DOCK2: variants seen among roughly 807,000 people sequenced by gnomAD.
DOCK2 encodes the protein dedicator of cytokinesis 2, also known as dedicator of cytokinesis protein 2.
Under a neutral mutation model 248.9 loss-of-function variants are expected in DOCK2, and 87 were observed. The ratio of observed to expected loss-of-function variants is 0.35; its 90% CI spans 0.29 to 0.42. The LOEUF (loss-of-function observed/expected upper bound fraction) is 0.42, where lower values mean the gene tolerates loss of function less well. Ranked by LOEUF, DOCK2 falls within the 10% of genes least tolerant of loss-of-function variation. The pLI is 1.00. For missense variants in DOCK2, 1,747 were observed against 2,300.2 expected (o/e 0.76, Z 4.92); for synonymous variants, 805 against 821.6 (o/e 0.98, Z 0.35).
intron 23 of DOCK2, among the ~76,000 whole-genome samples, chr5:169,758,595 C>A (rs1265837548): frequency 6.6e-6 from 1 of 152,180 alleles, no homozygotes; most frequent in Non-Finnish European, 1.5e-5. Flanking sequence ...CTAAGTGCAG[C>A]CTGCCTGAAT....
intron 27 of DOCK2, among the ~76,000 whole-genome samples, chr5:169,982,578 T>C (rs2113784969): frequency 6.6e-6 from 1 of 152,326 alleles, no homozygotes; most frequent in East Asian, 1.9e-4. Context: ...CTTTCATCCC[T>C]CTCAGCTCTT....
chr5:169,889,953 G>A (rs1223725368), intron 27 of DOCK2, among the ~76,000 whole-genome samples: 2 of 152,200 alleles, frequency 1.3e-5, no homozygotes, highest in Non-Finnish European at 2.9e-5. Context: ...TCTGAACTTA[G>A]TAATAATAAC....
intron 27 of DOCK2, among the ~76,000 whole-genome samples, chr5:169,979,243 G>T (rs987661657): frequency 6.6e-6 from 1 of 152,170 alleles, no homozygotes; most frequent in Admixed American, 6.5e-5. Context: ...TTTGAACAAC[G>T]TCAGTGTTAG....
At chr5:169,667,154 T>G (rs1758782135) in intron 2 of DOCK2, among the ~76,000 whole-genome samples, 2 of 152,114 alleles carry the variant, frequency 1.3e-5, no homozygotes, top group African/African-American at 4.8e-5. Flanking sequence ...CATCTATTGG[T>G]CCCTCGATTG....
chr5:169,845,470 G>A (rs1419656061), intron 27 of DOCK2, among the ~76,000 whole-genome samples: 6 of 152,128 alleles, frequency 3.9e-5, no homozygotes, highest in African/African-American at 9.7e-5. Context: ...GGTGCCTGGC[G>A]TGCAGTGGGT....
chr5:170,060,393 A>G (rs539886155), intron 44 of DOCK2, among the ~76,000 whole-genome samples: 120 of 152,356 alleles, frequency 7.9e-4, no homozygotes, highest in Middle Eastern at 3.4e-3. Context: ...GAATACCTTC[A>G]TAGCCTAGTA....
At chr5:169,732,707 C>A (rs577090291) in intron 22 of DOCK2, among the ~76,000 whole-genome samples, 1 of 152,310 alleles carries the variant, frequency 6.6e-6, no homozygotes, top group East Asian at 1.9e-4. Flanking sequence ...ATCTTTCCAT[C>A]TTTACTGCTA....
At chr5:169,757,907 G>T (rs1764276584) in intron 23 of DOCK2, among the ~76,000 whole-genome samples, 1 of 152,146 alleles carries the variant, frequency 6.6e-6, no homozygotes, top group Non-Finnish European at 1.5e-5. Context: ...ATGGTAGCAA[G>T]GTTATGGGGA....
intron 26 of DOCK2, among the ~76,000 whole-genome samples, chr5:169,812,101 T>A (rs1767793079): frequency 6.6e-6 from 1 of 152,234 alleles, no homozygotes. Context: ...GTCCATGGCC[T>A]GTTAGGAACC....
intron 6 of DOCK2, among the ~76,000 whole-genome samples, chr5:169,676,185 C>T (rs371062188): frequency 6.6e-6 from 1 of 152,130 alleles, no homozygotes; most frequent in East Asian, 1.9e-4. Flanking sequence ...CGCCTTGGCC[C>T]GGGGTAGGTG....
chr5:169,840,625 G>GAT, intron 26 of DOCK2, 132 bp from the exon 27 acceptor site: 2 of 694,788 alleles, frequency 2.9e-6, no homozygotes, highest in South Asian at 3.3e-5. Flanking sequence ...TGATGATGAT[G>GAT]GCAGTAGTGG....
chr5:169,882,343 C>T (rs1045627891), intron 27 of DOCK2, among the ~76,000 whole-genome samples: 1 of 152,130 alleles, frequency 6.6e-6, no homozygotes, highest in Non-Finnish European at 1.5e-5. Context: ...AAACAAACAG[C>T]AGTAGAAATC....
rs572639426 is a variant in DOCK2, at chr5:169,852,164, A to G, written c.2799+11312A>G. Among the ~76,000 whole-genome samples the G allele has an allele frequency of 3.9e-5, 6 of 152,300 alleles. No homozygotes were observed. In the South Asian group the frequency reaches 1.2e-3, roughly 32 times the overall value. On this transcript the variant is annotated intron_variant, in intron 27 of 51. Coordinates refer to ENST00000520908, the MANE Select transcript of DOCK2 (RefSeq NM_004946.3). ...AGTCACACAGAAGAATGACTGGTCC[A>G]TCATCAAATCCTAATGAAATTACCT...
chr5:169,909,556 A>T (rs1774476750), intron 27 of DOCK2, among the ~76,000 whole-genome samples: 1 of 152,226 alleles, frequency 6.6e-6, no homozygotes, highest in African/African-American at 2.4e-5. Flanking sequence ...CAAGGTGAGT[A>T]TTATTATCTG....
At position 169,671,183 on chromosome 5, in the gene DOCK2, CAG is replaced by C; in HGVS notation, c.321+11_321+12del. The C allele has an allele frequency of 6.2e-7, 1 of 1,610,782 alleles. No individual in the cohort carries two copies. Reference sequence around the variant, plus strand: ...GGAAACAACTCTATGTGGTGAGACTCAGAACTCTGCTCCCTGAGTTGGAAGCT... The same window carrying C: ...GGAAACAACTCTATGTGGTGAGACTCAACTCTGCTCCCTGAGTTGGAAGCT... On this transcript the variant is annotated intron_variant, in intron 5 of 51. Coordinates refer to ENST00000520908, the MANE Select transcript of DOCK2 (RefSeq NM_004946.3).
At position 169,699,872 on chromosome 5, in the gene DOCK2, T is replaced by C. The variant is rs1760864512; in HGVS notation, c.1133-142T>C. 14 of 1,227,620 alleles carry C rather than the reference T, an allele frequency of 1.1e-5. No homozygotes were observed. The East Asian group carries it at 2.2e-4, about 19-fold the overall frequency. 76.0% of individuals were successfully genotyped at this position (1,227,620 alleles called of 1,614,324 possible). On this transcript the variant is annotated intron_variant, in intron 12 of 51. Coordinates refer to ENST00000520908, the MANE Select transcript of DOCK2 (RefSeq NM_004946.3). ...CAGAGATCGCCTGTTCCAGAGGCCC[T>C]GTGGGCTGGGTGGCTGCATCTGTGG...
chr5:169,881,219 C>T (rs1315699997), intron 27 of DOCK2: 1 of 658,464 alleles, frequency 1.5e-6, no homozygotes, highest in East Asian at 2.8e-5. Context: ...ACAAAGCAAT[C>T]CCTGCCTTGG....
rs774899553 is a variant in DOCK2, at chr5:170,056,666, C to A, written c.4296-18C>A. On this transcript the variant is annotated intron_variant, in intron 42 of 51. Transcript: ENST00000520908. ...CGGGGATGGCTACCAGGAGCCTCAG[C>A]CTCTTCCTGTCTTTCAGCTTCTACA... 2 of 1,612,560 alleles carry A rather than the reference C, an allele frequency of 1.2e-6. No individual in the cohort carries two copies. Among genetic ancestry groups the A allele is most frequent in the Non-Finnish European group, 1.7e-6 (2 of 1,178,692 alleles).
chr5:169,801,146 G>GGTTTTT lies in DOCK2; in HGVS notation c.2555-1912_2555-1911insGTTTTT, dbSNP rs1561709040. Among the ~76,000 whole-genome samples the GGTTTTT allele has an allele frequency of 3.9e-5, 3 of 76,052 alleles. 1 individual carries two copies. Among genetic ancestry groups the GGTTTTT allele is most frequent in the Non-Finnish European group, 8.4e-5 (3 of 35,922 alleles). The allele number at this position is 76,052 out of a possible 152,430, so 49.9% of individuals were successfully genotyped here. On this transcript the variant is annotated intron_variant, in intron 25 of 51. Transcript: ENST00000520908. The stretch of plus-strand genomic sequence containing the variant: ...TGCCACCATGCCCAGATAGTTTTGG[G>GGTTTTT]TTTTTTTTTTTTTTTTTTTTTTTTT...
Sources: gnomAD v4.1 joint callset for allele counts (sites outside exome capture counted in the v4.1 genomes callset) on GRCh38, gnomAD v4.1.1 for gene constraint, MANE v1.5 for transcripts, NCBI Gene and HGNC (gene_info 2026-07-23, HGNC 2026-07-21) for gene names.